SPPL2A: variants seen among roughly 807,000 people sequenced by gnomAD.
SPPL2A encodes signal peptide peptidase like 2A.
SPPL2A carries 51 observed loss-of-function variants against 63.8 expected under a neutral mutation model. That is an observed-to-expected ratio of 0.80 (90% CI 0.64 to 1.01). The LOEUF is 1.01. SPPL2A is among the 50% of genes least tolerant of loss of function. SPPL2A has a pLI of 0.00. For missense variants in SPPL2A, 553 were observed against 622.7 expected, an observed-to-expected ratio of 0.89 and a Z score of 1.19; for synonymous variants, 188 against 205.8, an observed-to-expected ratio of 0.91 and a Z score of 0.74.
chr15:50,735,049 C>A (rs553201638), intron 8 of SPPL2A, among the ~76,000 whole-genome samples: 1 of 151,934 alleles, frequency 6.6e-6, no homozygotes, highest in African/African-American at 2.4e-5. Context: ...GGATTACAGG[C>A]GCATGCCACC....
rs1243943444 is a variant in SPPL2A at position 50,765,559 on chromosome 15, G to C, written c.-26C>G. 1.4e-6 allele frequency: 2 copies of C among 1,450,100 alleles called. No individual in the cohort carries two copies. Among genetic ancestry groups the C allele is most frequent in the African/African-American group, 1.5e-5 (1 of 67,334 alleles). The allele number at this position is 1,450,100 out of a possible 1,614,324, so 89.8% of individuals were successfully genotyped here. Reference sequence around the variant, plus strand: ...CGGACTGGTGGGTGCCGGGTGGGACGGCACGGTGCGGCGCAGCTCACTCGG... The same window carrying C: ...CGGACTGGTGGGTGCCGGGTGGGACCGCACGGTGCGGCGCAGCTCACTCGG... On this transcript the variant is annotated 5_prime_UTR_variant, in exon 1 of 15. Coordinates refer to ENST00000261854, the MANE Select transcript of SPPL2A (RefSeq NM_032802.4).
intron 1 of SPPL2A, among the ~76,000 whole-genome samples, chr15:50,763,975 G>A (rs1047110232): frequency 1.3e-5 from 2 of 152,162 alleles, no homozygotes; most frequent in African/African-American, 4.8e-5. Context: ...TTTAGAACAG[G>A]GATGATCTTT....
At position 50,706,602 on chromosome 15, in the gene SPPL2A, A is replaced by T. The variant is rs1455512414; in HGVS notation, c.*1198T>A. The T allele has an allele frequency of 6.6e-6, 1 of 152,120 alleles. No homozygotes were observed. Among genetic ancestry groups the T allele is most frequent in the Non-Finnish European group, 1.5e-5 (1 of 68,028 alleles). 9.4% of individuals were successfully genotyped at this position (152,120 alleles called of 1,614,324 possible). A position where few individuals can be genotyped will look rare whatever the true frequency, so the allele number is the denominator to read the frequency against. On this transcript the variant is annotated 3_prime_UTR_variant, in exon 15 of 15. Transcript: ENST00000261854. ...GAAAAGGGGTGGGCATCAGGAAGAA[A>T]AAAAGATAACGGGTGGGAGTGGGGG...
intron 14 of SPPL2A, among the ~76,000 whole-genome samples, chr15:50,713,004 C>T (rs1361278028): frequency 6.6e-6 from 1 of 151,828 alleles, no homozygotes; most frequent in Non-Finnish European, 1.5e-5. Flanking sequence ...TTTCTTATTC[C>T]CCTACCTCCC....
chr15:50,747,422 T>G, intron 5 of SPPL2A, 73 bp downstream of exon 5: 1 of 1,299,246 alleles, frequency 7.7e-7, no homozygotes, highest in Non-Finnish European at 1.1e-6. Flanking sequence ...TTTTAAATGT[T>G]GTTATATAAT....
intron 5 of SPPL2A, among the ~76,000 whole-genome samples, chr15:50,741,379 G>C: frequency 6.7e-6 from 1 of 150,278 alleles, no homozygotes; most frequent in African/African-American, 2.4e-5. Context: ...AAAAAGAGTA[G>C]ATTGCCTGGG....
At chr15:50,748,237 A>G (rs762958360) in intron 3 of SPPL2A, 35 bp from the exon 4 acceptor site, 2 of 767,916 alleles carry the variant, frequency 2.6e-6, no homozygotes, top group Admixed American at 3.3e-5. Context: ...CTTATTTACT[A>G]CTAATATATT....
At chr15:50,759,248 A>G (rs1458990477) in intron 1 of SPPL2A, among the ~76,000 whole-genome samples, 4 of 152,048 alleles carry the variant, frequency 2.6e-5, no homozygotes, top group Admixed American at 6.6e-5. Context: ...AAAGTTCACA[A>G]ATTTATCCTA....
chr15:50,763,664 C>T (rs1475925033), intron 1 of SPPL2A, among the ~76,000 whole-genome samples: 1 of 152,046 alleles, frequency 6.6e-6, no homozygotes. Flanking sequence ...TTTGGGAGGC[C>T]GAGGAGGGTG....
At chr15:50,764,063 A>G (rs894793198) in intron 1 of SPPL2A, among the ~76,000 whole-genome samples, 2 of 152,204 alleles carry the variant, frequency 1.3e-5, no homozygotes, top group Admixed American at 6.5e-5. Context: ...AGGGCCTTTA[A>G]TAAGAATTTC....
chr15:50,762,349 C>A (rs573012038), intron 1 of SPPL2A, among the ~76,000 whole-genome samples: 1 of 139,716 alleles, frequency 7.2e-6, no homozygotes, highest in African/African-American at 2.7e-5. Flanking sequence ...GCCTGGACGA[C>A]AGAGCAAGAC....
chr15:50,716,113 A>G (rs11858096), intron 14 of SPPL2A, among the ~76,000 whole-genome samples: 14,577 of 152,232 alleles, frequency 0.096, 785 homozygotes, highest in South Asian at 0.15. Context: ...ATCTCTAGGT[A>G]GTAGGATTAT....
intron 14 of SPPL2A, 131 bp from the exon 15 acceptor site, chr15:50,708,005 A>C: frequency 1.6e-6 from 1 of 638,548 alleles, no homozygotes; most frequent in Non-Finnish European, 2.8e-6. Flanking sequence ...CTTCTGGAGC[A>C]CTGTTCTGGT....
chr15:50,736,042 G>C lies in SPPL2A; in HGVS notation c.932+59C>G, dbSNP rs997873691. 20 of 1,110,966 alleles carry C rather than the reference G, an allele frequency of 1.8e-5. No homozygotes were observed. The African/African-American group carries it at 3.1e-4, about 17-fold the overall frequency. The allele number at this position is 1,110,966 out of a possible 1,614,324, so 68.8% of individuals were successfully genotyped here. ...TCCATAATAATCATAATAAGTATCAGGGCAAGATAGGAAACAATTCATCCT... is the reference window on the plus strand; with the variant it reads ...TCCATAATAATCATAATAAGTATCACGGCAAGATAGGAAACAATTCATCCT... On this transcript the variant is annotated intron_variant, in intron 8 of 14. Transcript: ENST00000261854.
chr15:50,730,204 C>G (rs1247871620), intron 10 of SPPL2A, among the ~76,000 whole-genome samples: 1 of 152,098 alleles, frequency 6.6e-6, no homozygotes, highest in Non-Finnish European at 1.5e-5. Context: ...GACCACCATA[C>G]TCACCCAACA....
At chr15:50,749,015 TTTAAAA>T (rs1390795805) in intron 2 of SPPL2A, 145 bp from the exon 3 acceptor site, 1 of 481,886 alleles carries the variant, frequency 2.1e-6, no homozygotes, top group Non-Finnish European at 3.5e-6. Context: ...AATTAAGTAT[TTTAAAA>T]TTCCCTATTT....
chr15:50,725,459 G>A (rs538995334), intron 11 of SPPL2A, 136 bp from the exon 12 acceptor site: 57 of 582,732 alleles, frequency 9.8e-5, no homozygotes, highest in African/African-American at 7.1e-4. Context: ...TCGCTCTGTC[G>A]CCCAAGTGGA....
chr15:50,747,488 A>C lies in SPPL2A; in HGVS notation c.584+7T>G. 1.9e-6 allele frequency: 3 copies of C among 1,593,688 alleles called. No homozygotes were observed. The highest frequency in any genetic ancestry group is 2.6e-6 in the Non-Finnish European group (3 of 1,174,696). ...ATTACAAAAACGCTTAAGTTAATTA[A>C]ACTTACAATTCAACTAGTCCACTCC... On this transcript the variant is annotated splice_region_variant and intron_variant, in intron 5 of 14. Coordinates refer to ENST00000261854, the MANE Select transcript of SPPL2A (RefSeq NM_032802.4).
chr15:50,731,068 T>C (rs2141034580), intron 9 of SPPL2A, 29 bp from the exon 10 acceptor site: 1 of 979,454 alleles, frequency 1.0e-6, no homozygotes, highest in South Asian at 1.4e-5. Context: ...AAATTAAAGG[T>C]CAATCTTCCT....
Sources: allele counts gnomAD v4.1 joint callset (sites outside exome capture counted in the v4.1 genomes callset), GRCh38; gene constraint gnomAD v4.1.1; transcripts MANE v1.5; gene names NCBI Gene and HGNC (gene_info 2026-07-23, HGNC 2026-07-21).